Variants in STAG1 observed in about 807,000 individuals in gnomAD.
The protein encoded by STAG1 is STAG1 cohesin complex component.
In STAG1, 26 loss-of-function variants were observed where a neutral mutation model predicts 170.9. The ratio of observed to expected loss-of-function variants is 0.15; its 90% CI spans 0.11 to 0.21. The LOEUF (loss-of-function observed/expected upper bound fraction) is 0.21, where lower values mean the gene tolerates loss of function less well. STAG1 is among the 10% of genes least tolerant of loss of function. The probability of loss-of-function intolerance (pLI) is 1.00; values close to 1 mark genes in which losing one functional copy is unlikely to be tolerated. For synonymous variants in STAG1, 514 were observed against 497.7 expected (o/e 1.03, Z -0.44); for missense variants, 964 against 1,509.5 (o/e 0.64, Z 5.99).
At chr3:136,553,610 C>CT (rs1166202185) in intron 5 of STAG1, among the ~76,000 whole-genome samples, 6 of 152,050 alleles carry the variant, frequency 3.9e-5, no homozygotes, top group African/African-American at 1.4e-4. Context: ...CTTGTCTCTA[C>CT]TAAAATACAA....
At chr3:136,683,454 G>C (rs1942409424) in intron 1 of STAG1, among the ~76,000 whole-genome samples, 1 of 152,060 alleles carries the variant, frequency 6.6e-6, no homozygotes, top group African/African-American at 2.4e-5. Context: ...TGTAGAGCTG[G>C]GGTTTTGCCA....
chr3:136,562,834 C>T (rs1021202207), intron 5 of STAG1, among the ~76,000 whole-genome samples: 18 of 151,964 alleles, frequency 1.2e-4, no homozygotes, highest in African/African-American at 4.1e-4. Flanking sequence ...GTGATCTGCC[C>T]GCCTCAGCCT....
intron 1 of STAG1, among the ~76,000 whole-genome samples, chr3:136,749,197 G>GTT (rs908143721): frequency 8.5e-5 from 13 of 152,132 alleles, no homozygotes; most frequent in African/African-American, 3.1e-4. Context: ...AATCAGTTAA[G>GTT]TTTACCACAA....
At chr3:136,680,539 A>T (rs2107886303) in intron 1 of STAG1, among the ~76,000 whole-genome samples, 1 of 152,264 alleles carries the variant, frequency 6.6e-6, no homozygotes, top group South Asian at 2.1e-4. Context: ...GGATTAGGGA[A>T]GGGATACAAC....
intron 1 of STAG1, among the ~76,000 whole-genome samples, chr3:136,726,549 A>G (rs1035636962): frequency 2.0e-5 from 3 of 152,080 alleles, no homozygotes; most frequent in African/African-American, 7.2e-5. Flanking sequence ...TCAGTCTCCC[A>G]AGTAGCTGGG....
chr3:136,511,151 G>A (rs1202361739), intron 7 of STAG1, among the ~76,000 whole-genome samples: 1 of 152,180 alleles, frequency 6.6e-6, no homozygotes, highest in Non-Finnish European at 1.5e-5. Flanking sequence ...TGAAGAATGT[G>A]CCTGCTTCTC....
chr3:136,383,877 C>A (rs931556280), intron 22 of STAG1, among the ~76,000 whole-genome samples: 1 of 150,618 alleles, frequency 6.6e-6, no homozygotes, highest in African/African-American at 2.4e-5. Context: ...ATGGCATGAA[C>A]CTAGGAGGCA....
At chr3:136,357,681 TTATTATA>T in intron 28 of STAG1, 32 bp downstream of exon 28, 1 of 1,519,502 alleles carries the variant, frequency 6.6e-7, no homozygotes, top group Non-Finnish European at 8.8e-7. Context: ...TACAACAGTA[TTATTATA>T]AAAACCACTT....
At chr3:136,586,869 C>T (rs1416149885) in intron 4 of STAG1, 1 of 456,518 alleles carries the variant, frequency 2.2e-6, no homozygotes, top group Non-Finnish European at 4.4e-6. Flanking sequence ...AAGAAGTAGA[C>T]ACTGCTTCTC....
At chr3:136,557,705 ATTT>A (rs1200487317) in intron 5 of STAG1, among the ~76,000 whole-genome samples, 6 of 151,738 alleles carry the variant, frequency 4.0e-5, no homozygotes. Flanking sequence ...ACCATGCCCA[ATTT>A]TTTTATTTTT....
chr3:136,677,583 T>A (rs1942164335), intron 1 of STAG1, among the ~76,000 whole-genome samples: 1 of 152,140 alleles, frequency 6.6e-6, no homozygotes, highest in Non-Finnish European at 1.5e-5. Flanking sequence ...AATTAAGGCA[T>A]GAGGACTCTA....
chr3:136,339,735 C>G (rs1472667632), intron 32 of STAG1, among the ~76,000 whole-genome samples: 1 of 152,126 alleles, frequency 6.6e-6, no homozygotes, highest in Non-Finnish European at 1.5e-5. Flanking sequence ...AATGTGTTGT[C>G]TATAACTGAT....
intron 21 of STAG1, among the ~76,000 whole-genome samples, chr3:136,402,741 C>A (rs1322829689): frequency 6.6e-6 from 1 of 151,328 alleles, no homozygotes; most frequent in Non-Finnish European, 1.5e-5. Flanking sequence ...ATATGAGAAT[C>A]ACTTTAACCC....
At position 136,425,881 on chromosome 3, in the gene STAG1, A is replaced by G. The variant is rs1438986715; in HGVS notation, c.1651-2837T>C. Among the ~76,000 whole-genome samples, 6 of 151,766 alleles carry G rather than the reference A, an allele frequency of 4.0e-5. No homozygotes were observed. The East Asian group carries it at 1.2e-3, about 29-fold the overall frequency. On this transcript the variant is annotated intron_variant, in intron 16 of 33. Coordinates refer to ENST00000383202, the MANE Select transcript of STAG1 (RefSeq NM_005862.3). ...AAAGTTGGGATAGCATATACTTTAA[A>G]GACTATTAAGGAAAATTTCAGAAAC...
chr3:136,376,181 T>C (rs1937604515), intron 23 of STAG1, among the ~76,000 whole-genome samples: 1 of 151,990 alleles, frequency 6.6e-6, no homozygotes, highest in African/African-American at 2.4e-5. Context: ...ATAAAGATAC[T>C]TGTCACTATT....
intron 6 of STAG1, among the ~76,000 whole-genome samples, chr3:136,524,096 A>G (rs1027669022): frequency 6.6e-6 from 1 of 152,126 alleles, no homozygotes; most frequent in Non-Finnish European, 1.5e-5. Context: ...TTGGTCCCAT[A>G]TGAACTTTAA....
chr3:136,673,061 G>A (rs1050493218), intron 1 of STAG1, among the ~76,000 whole-genome samples: 27 of 152,322 alleles, frequency 1.8e-4, no homozygotes, highest in African/African-American at 6.5e-4. Flanking sequence ...TCAATGAAGA[G>A]ATCATTCTTT....
At chr3:136,427,092 G>A (rs1433647656) in intron 16 of STAG1, among the ~76,000 whole-genome samples, 1 of 150,308 alleles carries the variant, frequency 6.7e-6, no homozygotes, top group East Asian at 2.0e-4. Context: ...AGTGGGATGT[G>A]GTGGCAAGCG....
chr3:136,559,347 A>C (rs1936748642), intron 5 of STAG1, among the ~76,000 whole-genome samples: 1 of 152,230 alleles, frequency 6.6e-6, no homozygotes, highest in Non-Finnish European at 1.5e-5. Flanking sequence ...ACAAAATACC[A>C]GTAATGCAGT....
Sources: gnomAD v4.1 joint callset for allele counts (sites outside exome capture counted in the v4.1 genomes callset) on GRCh38, gnomAD v4.1.1 for gene constraint, MANE v1.5 for transcripts, NCBI Gene and HGNC (gene_info 2026-07-23, HGNC 2026-07-21) for gene names.